SLC24A3: variants seen among roughly 807,000 people sequenced by gnomAD.
The protein encoded by SLC24A3 is sodium/potassium/calcium exchanger 3.
Under a neutral mutation model 75.8 loss-of-function variants are expected in SLC24A3, and 28 were observed. That is an observed-to-expected ratio of 0.37 (90% CI 0.27 to 0.51). The LOEUF (loss-of-function observed/expected upper bound fraction) is 0.51, where lower values mean the gene tolerates loss of function less well. SLC24A3 is among the 20% of genes least tolerant of loss of function. The probability of loss-of-function intolerance (pLI) is 0.94; values close to 1 mark genes in which losing one functional copy is unlikely to be tolerated. For synonymous variants in SLC24A3, 372 were observed against 334.1 expected, an observed-to-expected ratio of 1.11 and a Z score of -1.24; for missense variants, 663 against 847.8, an observed-to-expected ratio of 0.78 and a Z score of 2.71.
intron 2 of SLC24A3, among the ~76,000 whole-genome samples, chr20:19,383,422 C>T (rs1419655339): frequency 2.6e-5 from 4 of 151,938 alleles, no homozygotes; most frequent in African/African-American, 9.7e-5. Flanking sequence ...ACCGAATGAC[C>T]ATTTATCCTG....
chr20:19,449,190 C>T (rs935377697), intron 2 of SLC24A3, among the ~76,000 whole-genome samples: 5 of 150,018 alleles, frequency 3.3e-5, no homozygotes, highest in Admixed American at 6.6e-5. Context: ...GTGGTGGCTG[C>T]AGGCAGAGTT....
intron 2 of SLC24A3, among the ~76,000 whole-genome samples, chr20:19,316,973 TC>T (rs767849769): frequency 6.6e-6 from 1 of 152,050 alleles, no homozygotes; most frequent in Non-Finnish European, 1.5e-5. Flanking sequence ...TAGCTATTCT[TC>T]CTGGCGCTCT....
intron 2 of SLC24A3, among the ~76,000 whole-genome samples, chr20:19,457,835 C>CGTG (rs1218221563): frequency 1.3e-5 from 2 of 152,176 alleles, no homozygotes; most frequent in African/African-American, 2.4e-5. Flanking sequence ...AAGAACTACA[C>CGTG]GTGGCTTCTG....
chr20:19,330,286 G>A (rs1356867463), intron 2 of SLC24A3, among the ~76,000 whole-genome samples: 2 of 152,184 alleles, frequency 1.3e-5, no homozygotes, highest in African/African-American at 4.8e-5. Flanking sequence ...TTGTCCCAGA[G>A]GAGGTGGTCA....
At position 19,585,073 on chromosome 20, in the gene SLC24A3, G is replaced by A. The variant is rs750362343; in HGVS notation, c.508+18G>A. ...GGTCATAGGTAGGTGACAGACTGAG[G>A]GACATCTCAGACCTTCACTGTCTGA... On this transcript the variant is annotated intron_variant, in intron 5 of 16. Transcript: ENST00000328041. The A allele has an allele frequency of 1.2e-6, 2 of 1,601,532 alleles. No individual in the cohort carries two copies. Among genetic ancestry groups the A allele is most frequent in the Non-Finnish European group, 1.7e-6 (2 of 1,169,582 alleles).
Position 19,720,881 on chromosome 20 carries a change from C to A in SLC24A3, c.1786-110C>A, listed in dbSNP as rs1282901406. ...GCTCAGAGAGGATCAGCACCCTGCC[C>A]GAGGCCCATAGTCAGCAGCCCTTCC... On this transcript the variant is annotated intron_variant, in intron 16 of 16. Coordinates refer to ENST00000328041, the MANE Select transcript of SLC24A3 (RefSeq NM_020689.4). 6 of 1,259,932 alleles carry A rather than the reference C, an allele frequency of 4.8e-6. No homozygotes were observed. In the African/African-American group the frequency reaches 6.0e-5, roughly 13 times the overall value. The allele number at this position is 1,259,932 out of a possible 1,614,324, so 78.0% of individuals were successfully genotyped here. A position where few individuals can be genotyped will look rare whatever the true frequency, so the allele number is the denominator to read the frequency against.
chr20:19,442,356 A>G (rs551212320), intron 2 of SLC24A3, among the ~76,000 whole-genome samples: 8 of 152,288 alleles, frequency 5.3e-5, no homozygotes, highest in African/African-American at 1.9e-4. Flanking sequence ...GTTACCCCAC[A>G]TCTTCACCAG....
intron 8 of SLC24A3, among the ~76,000 whole-genome samples, chr20:19,670,025 C>G (rs1188610863): frequency 6.6e-6 from 1 of 152,078 alleles, no homozygotes; most frequent in Non-Finnish European, 1.5e-5. Flanking sequence ...GAAAGGGGAC[C>G]AAGGAGGGCC....
At chr20:19,666,010 G>A (rs745572675) in intron 8 of SLC24A3, 121 bp downstream of exon 8, 69 of 1,105,844 alleles carry the variant, frequency 6.2e-5, no homozygotes, top group Non-Finnish European at 8.8e-5. Context: ...AGAATGAGGA[G>A]AATTTCCTAG....
At chr20:19,582,149 G>C (rs1257782149) in intron 4 of SLC24A3, among the ~76,000 whole-genome samples, 1 of 152,212 alleles carries the variant, frequency 6.6e-6, no homozygotes, top group Non-Finnish European at 1.5e-5. Flanking sequence ...AAGAGACGTG[G>C]AATCAGTTCT....
intron 2 of SLC24A3, among the ~76,000 whole-genome samples, chr20:19,352,485 A>G (rs1360039238): frequency 1.3e-5 from 2 of 152,052 alleles, no homozygotes; most frequent in African/African-American, 4.8e-5. Context: ...GAGCTTCTAC[A>G]CCCATCTCCT....
intron 2 of SLC24A3, among the ~76,000 whole-genome samples, chr20:19,440,900 G>T (rs779110445): frequency 5.9e-5 from 9 of 152,106 alleles, no homozygotes; most frequent in Non-Finnish European, 1.2e-4. Flanking sequence ...TTTGGATACC[G>T]ACGGACTGTT....
intron 2 of SLC24A3, among the ~76,000 whole-genome samples, chr20:19,357,083 TG>T (rs1022017692): frequency 6.6e-5 from 10 of 152,120 alleles, no homozygotes; most frequent in African/African-American, 2.4e-4. Context: ...ATTATCTGGG[TG>T]GGCCCTAAAT....
chr20:19,556,787 C>A (rs1477378420), intron 3 of SLC24A3, among the ~76,000 whole-genome samples: 1 of 152,082 alleles, frequency 6.6e-6, no homozygotes, highest in African/African-American at 2.4e-5. Context: ...TGACCTCAAA[C>A]CCAAAGTAAG....
intron 2 of SLC24A3, among the ~76,000 whole-genome samples, chr20:19,356,066 C>G (rs933320858): frequency 2.0e-5 from 3 of 152,198 alleles, no homozygotes; most frequent in African/African-American, 4.8e-5. Flanking sequence ...ACTCTGCCAC[C>G]TGCCAGGTAT....
chr20:19,554,548 C>T (rs1356193510), intron 3 of SLC24A3, among the ~76,000 whole-genome samples: 6 of 152,146 alleles, frequency 3.9e-5, no homozygotes, highest in Admixed American at 6.5e-5. Flanking sequence ...CCTCAGTTTC[C>T]TCATCTGTAA....
intron 2 of SLC24A3, among the ~76,000 whole-genome samples, chr20:19,364,358 G>T (rs1271581014): frequency 6.6e-6 from 1 of 152,084 alleles, no homozygotes; most frequent in Non-Finnish European, 1.5e-5. Flanking sequence ...TGGGATCTCC[G>T]TTGATCTCAG....
intron 3 of SLC24A3, among the ~76,000 whole-genome samples, chr20:19,543,796 G>A (rs541434371): frequency 1.3e-5 from 2 of 152,184 alleles, no homozygotes; most frequent in Non-Finnish European, 2.9e-5. Flanking sequence ...TTGCAAAAAG[G>A]ATAGCAAAAC....
At chr20:19,217,236 G>A (rs947993298) in intron 1 of SLC24A3, among the ~76,000 whole-genome samples, 1 of 152,230 alleles carries the variant, frequency 6.6e-6, no homozygotes, top group African/African-American at 2.4e-5. Context: ...CGTTGAAGGA[G>A]AAGGGCATAG....
Sources: gnomAD v4.1 joint callset for allele counts (sites outside exome capture counted in the v4.1 genomes callset) on GRCh38, gnomAD v4.1.1 for gene constraint, MANE v1.5 for transcripts, NCBI Gene and HGNC (gene_info 2026-07-23, HGNC 2026-07-21) for gene names.